Variants in CNTNAP2 observed in about 807,000 individuals in gnomAD.
CNTNAP2 encodes contactin-associated protein-like 2.
In CNTNAP2, 98 loss-of-function variants were observed where a neutral mutation model predicts 155.2. The observed-to-expected ratio is 0.63, with a 90% CI of 0.54 to 0.75. The LOEUF (loss-of-function observed/expected upper bound fraction) is 0.75. Among genes scored for constraint, CNTNAP2 ranks in the 30% least tolerant of loss-of-function variants. The probability of loss-of-function intolerance (pLI) is 0.00; values close to 1 mark genes in which losing one functional copy is unlikely to be tolerated. For missense variants in CNTNAP2, 1,727 were observed against 1,688.1 expected, an observed-to-expected ratio of 1.02 and a Z score of -0.40; for synonymous variants, 651 against 631.2, an observed-to-expected ratio of 1.03 and a Z score of -0.47.
chr7:146,647,594 A>G (rs1440415481), intron 1 of CNTNAP2, among the ~76,000 whole-genome samples: 1 of 152,150 alleles, frequency 6.6e-6, no homozygotes, highest in African/African-American at 2.4e-5. Context: ...ATGAGCAGTG[A>G]TAAAGAGAAA....
intron 1 of CNTNAP2, among the ~76,000 whole-genome samples, chr7:146,378,447 T>A (rs1238065473): frequency 6.6e-6 from 1 of 152,206 alleles, no homozygotes; most frequent in African/African-American, 2.4e-5. Context: ...ACCATCCACT[T>A]TGCTCTTTGC....
chr7:148,150,778 C>G (rs1434304970), intron 17 of CNTNAP2, among the ~76,000 whole-genome samples: 1 of 152,044 alleles, frequency 6.6e-6, no homozygotes, highest in Non-Finnish European at 1.5e-5. Flanking sequence ...GAGTCTTGTT[C>G]TGTTGCCCAG....
chr7:147,580,746 G>C (rs1345924968), intron 12 of CNTNAP2, among the ~76,000 whole-genome samples: 1 of 151,892 alleles, frequency 6.6e-6, no homozygotes, highest in Admixed American at 6.6e-5. Context: ...CTCCTGAGTA[G>C]CTAGGACTAC....
intron 3 of CNTNAP2, among the ~76,000 whole-genome samples, chr7:146,931,815 G>A (rs907279891): frequency 3.3e-5 from 5 of 151,698 alleles, no homozygotes; most frequent in African/African-American, 9.7e-5. Flanking sequence ...ACACCTCTAC[G>A]CAAATAAACT....
chr7:148,219,308 C>T (rs116869549), intron 19 of CNTNAP2, among the ~76,000 whole-genome samples: 1,761 of 152,256 alleles, frequency 0.012, 18 homozygotes, highest in Non-Finnish European at 0.017. Context: ...TAACTCACTT[C>T]CCATTGGAGC....
intron 1 of CNTNAP2, among the ~76,000 whole-genome samples, chr7:146,641,063 G>A (rs1433018044): frequency 2.0e-5 from 3 of 152,060 alleles, no homozygotes; most frequent in South Asian, 2.1e-4. Context: ...ACGGTGGCTC[G>A]TGCCTATAAT....
chr7:146,162,459 AC>A (rs1798239130), intron 1 of CNTNAP2, among the ~76,000 whole-genome samples: 2 of 152,240 alleles, frequency 1.3e-5, no homozygotes, highest in African/African-American at 4.8e-5. Context: ...ACAATGAGAT[AC>A]CATCTCACAC....
chr7:146,930,042 C>CA (rs2129222544), intron 3 of CNTNAP2, among the ~76,000 whole-genome samples: 1 of 152,180 alleles, frequency 6.6e-6, no homozygotes, highest in Admixed American at 6.5e-5. Flanking sequence ...AGAACTTCCC[C>CA]AATCTAGCAA....
intron 15 of CNTNAP2, among the ~76,000 whole-genome samples, chr7:148,108,803 T>C (rs1308954700): frequency 1.3e-5 from 2 of 152,194 alleles, no homozygotes; most frequent in African/African-American, 4.8e-5. Flanking sequence ...AGAATATGTA[T>C]ATTTCACAAT....
At chr7:147,004,212 C>CAAAAAAAAAAAAAAAAA (rs71525979) in intron 3 of CNTNAP2, among the ~76,000 whole-genome samples, 13 of 97,676 alleles carry the variant, frequency 1.3e-4, no homozygotes, top group South Asian at 3.3e-4. Flanking sequence ...ACTCATATAC[C>CAAAAAAAAAAAAAAAAA]AAAAAAAAAA....
At chr7:146,428,944 G>A (rs926400255) in intron 1 of CNTNAP2, among the ~76,000 whole-genome samples, 2 of 151,940 alleles carry the variant, frequency 1.3e-5, no homozygotes, top group Non-Finnish European at 2.9e-5. Flanking sequence ...ATAAGGAAGG[G>A]GTCAATTTTC....
At chr7:146,369,412 T>C (rs887097113) in intron 1 of CNTNAP2, among the ~76,000 whole-genome samples, 3 of 152,184 alleles carry the variant, frequency 2.0e-5, no homozygotes, top group Non-Finnish European at 4.4e-5. Flanking sequence ...ATCTATGGGA[T>C]ATGTTCTAAA....
At chr7:146,258,049 G>C (rs147208938) in intron 1 of CNTNAP2, among the ~76,000 whole-genome samples, 1,747 of 151,974 alleles carry the variant, frequency 0.011, 25 homozygotes, top group South Asian at 0.035. Flanking sequence ...CACCACCATT[G>C]CCTGACTAAT....
chr7:147,615,974 C>A (rs948022245), intron 12 of CNTNAP2, among the ~76,000 whole-genome samples: 4 of 151,974 alleles, frequency 2.6e-5, no homozygotes, highest in Non-Finnish European at 5.9e-5. Context: ...CTTCTATTTC[C>A]CACAATTTCT....
chr7:146,849,681 T>C (rs1342366000), intron 3 of CNTNAP2, among the ~76,000 whole-genome samples: 1 of 152,212 alleles, frequency 6.6e-6, no homozygotes, highest in Non-Finnish European at 1.5e-5. Context: ...CAAAAATAAA[T>C]TGTTTAGAAC....
chr7:148,111,363 A>T lies in CNTNAP2; in HGVS notation c.2384-6755A>T, dbSNP rs150153266. Among the ~76,000 whole-genome samples, 457 of 152,310 alleles carry T rather than the reference A, an allele frequency of 3.0e-3. 1 individual carries two copies. The highest frequency in any genetic ancestry group is 4.6e-3 in the Non-Finnish European group (316 of 68,018). ...ATATTGAGATATTGCCTCCAAAAAA[A>T]TTAGAATGGGGTGCTATGAAAAAGG... is the stretch of plus-strand genomic sequence containing the variant. On this transcript the variant is annotated intron_variant, in intron 15 of 23. Transcript: ENST00000361727.
chr7:146,917,214 G>T (rs1292171864), intron 3 of CNTNAP2, among the ~76,000 whole-genome samples: 1 of 151,886 alleles, frequency 6.6e-6, no homozygotes, highest in Non-Finnish European at 1.5e-5. Context: ...TCTTAAATTT[G>T]ATTTGTGTCT....
At chr7:146,984,178 A>G (rs1172968692) in intron 3 of CNTNAP2, among the ~76,000 whole-genome samples, 5 of 151,850 alleles carry the variant, frequency 3.3e-5, no homozygotes, top group Non-Finnish European at 7.4e-5. Context: ...GACCAGCCTG[A>G]TCAACATGAA....
chr7:147,225,734 GGAAGGAAA>G (rs1222630392), intron 8 of CNTNAP2, among the ~76,000 whole-genome samples: 70 of 138,090 alleles, frequency 5.1e-4, no homozygotes, highest in Non-Finnish European at 7.8e-4. Context: ...CTTTAAGTTA[GGAAGGAAA>G]GAAGGAAGGA....
Sources: allele counts gnomAD v4.1 joint callset (sites outside exome capture counted in the v4.1 genomes callset), GRCh38; gene constraint gnomAD v4.1.1; transcripts MANE v1.5; gene names NCBI Gene and HGNC (gene_info 2026-07-23, HGNC 2026-07-21).